Variants in HS3ST5 observed in about 807,000 individuals in gnomAD.
HS3ST5 encodes heparan sulfate glucosamine 3-O-sulfotransferase 5.
HS3ST5 carries 10 observed loss-of-function variants against 25.4 expected under a neutral mutation model. The ratio of observed to expected loss-of-function variants is 0.39; its 90% confidence interval spans 0.24 to 0.67. HS3ST5 has a LOEUF of 0.67. Among genes scored for constraint, HS3ST5 ranks in the 30% least tolerant of loss-of-function variants. The pLI is 0.44. For missense variants in HS3ST5, 324 were observed against 420.7 expected (o/e 0.77, Z 2.01); for synonymous variants, 170 against 162.4 (o/e 1.05, Z -0.36).
chr6:114,152,086 A>T (rs1012751395), intron 3 of HS3ST5, among the ~76,000 whole-genome samples: 5 of 151,944 alleles, frequency 3.3e-5, no homozygotes, highest in Non-Finnish European at 4.4e-5. Flanking sequence ...GCGTGCCACC[A>T]TGCCCGGCGA....
chr6:114,267,820 C>T (rs1183461501), intron 1 of HS3ST5, among the ~76,000 whole-genome samples: 1 of 152,046 alleles, frequency 6.6e-6, no homozygotes. Flanking sequence ...TCTCGAATTC[C>T]GGGTCACTAG....
At chr6:114,319,014 AAAC>A (rs1235902627) in intron 1 of HS3ST5, among the ~76,000 whole-genome samples, 2 of 152,178 alleles carry the variant, frequency 1.3e-5, no homozygotes, top group Non-Finnish European at 2.9e-5. Flanking sequence ...GCAAAAAACA[AAAC>A]AAAACAAAAC....
At chr6:114,226,884 T>C (rs1771321525) in intron 2 of HS3ST5, among the ~76,000 whole-genome samples, 1 of 151,796 alleles carries the variant, frequency 6.6e-6, no homozygotes, top group South Asian at 2.1e-4. Flanking sequence ...AAAAAATAAG[T>C]AATAAGAAAA....
At chr6:114,314,984 G>A (rs1181240185) in intron 1 of HS3ST5, among the ~76,000 whole-genome samples, 1 of 152,128 alleles carries the variant, frequency 6.6e-6, no homozygotes, top group African/African-American at 2.4e-5. Context: ...TTTTTTTAAA[G>A]TAAGATTAAA....
At chr6:114,298,233 G>A (rs1289988700) in intron 1 of HS3ST5, among the ~76,000 whole-genome samples, 1 of 152,064 alleles carries the variant, frequency 6.6e-6, no homozygotes, top group Non-Finnish European at 1.5e-5. Flanking sequence ...GATGATTTTT[G>A]TTTCAAGTAT....
intron 3 of HS3ST5, among the ~76,000 whole-genome samples, chr6:114,068,187 T>C (rs1773578480): frequency 6.6e-6 from 1 of 152,128 alleles, no homozygotes; most frequent in Non-Finnish European, 1.5e-5. Context: ...ATGCTAATGC[T>C]ATTTTTTTGT....
intron 1 of HS3ST5, among the ~76,000 whole-genome samples, chr6:114,321,630 G>A (rs974128667): frequency 2.0e-5 from 3 of 152,110 alleles, no homozygotes; most frequent in African/African-American, 7.2e-5. Flanking sequence ...AATAATAAAT[G>A]AAGGTTTTTT....
chr6:114,210,854 C>T (rs1781484976), intron 2 of HS3ST5, among the ~76,000 whole-genome samples: 1 of 152,180 alleles, frequency 6.6e-6, no homozygotes, highest in Non-Finnish European at 1.5e-5. Context: ...CTCTTTTATC[C>T]TATGTCTAAA....
At chr6:114,145,957 AAAGTACAT>A (rs1778141088) in intron 3 of HS3ST5, among the ~76,000 whole-genome samples, 1 of 152,236 alleles carries the variant, frequency 6.6e-6, no homozygotes, top group South Asian at 2.1e-4. Flanking sequence ...ATCTGAAAGG[AAAGTACAT>A]TTTCCTAATG....
At position 114,197,128 on chromosome 6, in the gene HS3ST5, C is replaced by CTT. The variant is rs201077147; in HGVS notation, c.-144-28668_-144-28667dup. Reference sequence around the variant, plus strand: ...AACAGTGTTTTTTCTTTCTTTCTTTCTTTTTTTTTTTTTGTTGTTTTTAAT... The same window carrying CTT: ...AACAGTGTTTTTTCTTTCTTTCTTTCTTTTTTTTTTTTTTTGTTGTTTTTAAT... On this transcript the variant is annotated intron_variant, in intron 2 of 4. Transcript: ENST00000312719. 3.7e-3 allele frequency among the ~76,000 whole-genome samples: 525 copies of CTT among 142,480 alleles called. 4 individuals carry two copies. Among genetic ancestry groups the CTT allele is most frequent in the African/African-American group, 0.012 (468 of 39,194 alleles). 93.5% of individuals were successfully genotyped at this position (142,480 alleles called of 152,430 possible). A position where few individuals can be genotyped will look rare whatever the true frequency, so the allele number is the denominator to read the frequency against.
At position 114,057,528 on chromosome 6, in the gene HS3ST5, C is replaced by T. The variant is rs755983596; in HGVS notation, c.770G>A (p.Arg257His). The change falls in exon 5 of 5, where the codon CGC becomes CAC. Residue 257 changes from arginine (R) to histidine (H), a missense_variant. By Grantham distance (29) the Arg-to-His change is conservative. Coordinates refer to ENST00000312719, the MANE Select transcript of HS3ST5 (RefSeq NM_153612.4). ...TTCTGGCAGAGGTTCCGTGATGAGGCGATCTCCATCGACGACATGAAATTG... is the reference window on the plus strand; with the variant it reads ...TTCTGGCAGAGGTTCCGTGATGAGGTGATCTCCATCGACGACATGAAATTG... ...IEQFHVVDGD[R>H]LITEPLPELQ... is the part of the protein sequence containing the mutation. 1 of 1,614,142 alleles carries T rather than the reference C, an allele frequency of 6.2e-7. No homozygotes were observed. The highest frequency in any genetic ancestry group is 2.2e-5 in the East Asian group (1 of 44,882).
At chr6:114,211,118 A>T (rs1781494430) in intron 2 of HS3ST5, among the ~76,000 whole-genome samples, 1 of 152,224 alleles carries the variant, frequency 6.6e-6, no homozygotes, top group Non-Finnish European at 1.5e-5. Context: ...TGCTGGACAC[A>T]TTCTTATTAC....
intron 1 of HS3ST5, chr6:114,281,726 G>T (rs763796389): frequency 6.6e-6 from 1 of 151,958 alleles, no homozygotes; most frequent in Non-Finnish European, 1.5e-5. Context: ...AGGGAACACC[G>T]CAATATGTTT....
intron 3 of HS3ST5, among the ~76,000 whole-genome samples, chr6:114,140,923 A>G (rs114071984): frequency 0.012 from 1,807 of 152,338 alleles, 36 homozygotes; most frequent in African/African-American, 0.041. Context: ...TGTAAATTGA[A>G]GAAATATACC....
chr6:114,310,504 G>C (rs769286801), intron 1 of HS3ST5, among the ~76,000 whole-genome samples: 2 of 151,674 alleles, frequency 1.3e-5, no homozygotes, highest in Non-Finnish European at 2.9e-5. Context: ...TTGTGGAAAA[G>C]ACTTTATTTA....
chr6:114,248,215 A>T lies in HS3ST5; in HGVS notation c.-338-19437T>A, dbSNP rs1221532013. 2.1e-5 allele frequency among the ~76,000 whole-genome samples: 3 copies of T among 140,274 alleles called. No individual in the cohort carries two copies. The East Asian group carries it at 6.3e-4, about 30-fold the overall frequency. The allele number at this position is 140,274 out of a possible 152,430, so 92.0% of individuals were successfully genotyped here. ...GATTCCATCTCAAAAAATGAAAAAA[A>T]AAATATATATATATATATATATAAA... On this transcript the variant is annotated intron_variant, in intron 1 of 4. Coordinates refer to ENST00000312719, the MANE Select transcript of HS3ST5 (RefSeq NM_153612.4).
chr6:114,247,346 T>A (rs1772429018), intron 1 of HS3ST5, among the ~76,000 whole-genome samples: 1 of 152,140 alleles, frequency 6.6e-6, no homozygotes, highest in African/African-American at 2.4e-5. Flanking sequence ...TGTCAACATA[T>A]TAGGCTGGTC....
chr6:114,072,565 C>A (rs1188478995), intron 3 of HS3ST5, among the ~76,000 whole-genome samples: 1 of 152,126 alleles, frequency 6.6e-6, no homozygotes, highest in African/African-American at 2.4e-5. Context: ...TGCATCTGTA[C>A]AATGGAATAC....
Position 114,057,288 on chromosome 6 carries a change from T to A in HS3ST5, c.1010A>T (p.Gln337Leu), listed in dbSNP as rs1772823059. ...FFHPFNQKFYQITGRTLNWP is the reference protein window; with the variant it reads ...FFHPFNQKFYLITGRTLNWP The stretch of plus-strand genomic sequence containing the variant: ...CCAGTTCAATGTCCTCCCAGTGATC[T>A]GGTAAAATTTTTGATTAAAAGGATG... Residue 337 changes from glutamine (Q) to leucine (L), a missense_variant, in exon 5 of 5, where the codon CAG becomes CTG. Physicochemically the swap from Gln to Leu is moderately radical, Grantham distance 113. Around this residue, in one of 2 missense-constraint regions of HS3ST5, gnomAD observed 203 missense variants for 303.4 expected, o/e 0.67. Transcript: ENST00000312719. 1 of 1,613,738 alleles carries A rather than the reference T, an allele frequency of 6.2e-7. No homozygotes were observed. The highest frequency in any genetic ancestry group is 2.2e-5 in the East Asian group (1 of 44,872).
Sources: allele counts gnomAD v4.1 joint callset (sites outside exome capture counted in the v4.1 genomes callset), GRCh38; gene constraint gnomAD v4.1.1; regional missense constraint gnomAD v4.1.1; transcripts MANE v1.5; gene names NCBI Gene and HGNC (gene_info 2026-07-23, HGNC 2026-07-21).